A1CF: variants seen among roughly 807,000 people sequenced by gnomAD.
A1CF encodes the protein APOBEC-1 stimulating protein.
A1CF carries 48 observed loss-of-function variants against 68.9 expected under a neutral mutation model. That is an observed-to-expected ratio of 0.70 (90% CI 0.55 to 0.89). A1CF has a LOEUF of 0.89. A1CF is among the 40% of genes least tolerant of loss of function. The pLI is 0.00. For synonymous variants in A1CF, 272 were observed against 260.4 expected (o/e 1.04, Z -0.43); for missense variants, 653 against 718.9 (o/e 0.91, Z 1.05).
intron 6 of A1CF, among the ~76,000 whole-genome samples, chr10:50,834,086 A>G (rs925077943): frequency 2.6e-5 from 4 of 152,092 alleles, no homozygotes; most frequent in African/African-American, 7.2e-5. Context: ...AGTCTGCTTG[A>G]CTTAGAAAAA....
intron 5 of A1CF, 40 bp from the exon 6 acceptor site, chr10:50,836,352 G>C (rs1014398123): frequency 6.3e-7 from 1 of 1,575,922 alleles, no homozygotes; most frequent in Non-Finnish European, 8.6e-7. Flanking sequence ...GAGAATCCTT[G>C]TAGGATTCAG....
chr10:50,865,560 G>C (rs1840950216), intron 1 of A1CF, among the ~76,000 whole-genome samples: 1 of 152,188 alleles, frequency 6.6e-6, no homozygotes, highest in Admixed American at 6.5e-5. Flanking sequence ...CAGGTTCTTA[G>C]CATGACACAT....
chr10:50,875,926 C>T (rs1294818753), intron 1 of A1CF, among the ~76,000 whole-genome samples: 2 of 152,216 alleles, frequency 1.3e-5, no homozygotes, highest in Non-Finnish European at 2.9e-5. Flanking sequence ...CATTCAGTGC[C>T]TGCCATGACC....
At chr10:50,857,000 A>G (rs1054789680) in intron 3 of A1CF, among the ~76,000 whole-genome samples, 36 of 152,140 alleles carry the variant, frequency 2.4e-4, no homozygotes, top group African/African-American at 7.7e-4. Context: ...TTTTAAATGG[A>G]GTAAGATTAT....
At chr10:50,882,558 G>C (rs931347330) in intron 1 of A1CF, among the ~76,000 whole-genome samples, 1 of 152,000 alleles carries the variant, frequency 6.6e-6, no homozygotes, top group South Asian at 2.1e-4. Context: ...TAACTCTCCA[G>C]ATTTTACAGG....
intron 10 of A1CF, among the ~76,000 whole-genome samples, chr10:50,813,539 T>C (rs1838221034): frequency 6.6e-6 from 1 of 152,226 alleles, no homozygotes; most frequent in Admixed American, 6.6e-5. Context: ...TAGGCATTTA[T>C]TCTGAGATGG....
In A1CF at chr10:50,836,945, C is replaced by T. The variant is rs548513947; in HGVS notation, c.366-633G>A. Among the ~76,000 whole-genome samples, 55 of 152,028 alleles carry T rather than the reference C, an allele frequency of 3.6e-4. 2 individuals are homozygous for T. Among genetic ancestry groups the T allele is most frequent in the Non-Finnish European group, 2.2e-4 (15 of 67,998 alleles). On this transcript the variant is annotated intron_variant, in intron 5 of 12. Transcript: ENST00000373997. Reference sequence around the variant, plus strand: ...ATTCAAGAGTTGTCAATCCTCACCGCTCCCTGAAGCATCCCCAACACTGAG... The same window carrying T: ...ATTCAAGAGTTGTCAATCCTCACCGTTCCCTGAAGCATCCCCAACACTGAG...
At chr10:50,844,881 A>C (rs1839929795) in intron 3 of A1CF, among the ~76,000 whole-genome samples, 1 of 152,158 alleles carries the variant, frequency 6.6e-6, no homozygotes, top group Non-Finnish European at 1.5e-5. Context: ...CTGTTGTTTA[A>C]AATTGAAGTA....
At chr10:50,881,654 G>A (rs1475978209) in intron 1 of A1CF, among the ~76,000 whole-genome samples, 1 of 152,152 alleles carries the variant, frequency 6.6e-6, no homozygotes, top group Non-Finnish European at 1.5e-5. Context: ...TTGCTGGAGG[G>A]AGGGAAGGCA....
chr10:50,859,890 T>G lies in A1CF; in HGVS notation c.51A>C (p.Glu17Asp), dbSNP rs754321707. ...GCTGGACCAGTGCGCGGAGGGCTGC[T>G]TCCTTCTGAGTGCCGCTCAATCCAT... ...SGDGLSGTQK[E>D]AALRALVQRT... Residue 17 changes from glutamate to aspartate, a missense_variant, in exon 3 of 13, where the codon GAA (glutamate) becomes GAC (aspartate). Transcript: ENST00000373997. 6.2e-7 allele frequency: 1 copy of G among 1,614,050 alleles called. No individual in the cohort carries two copies. Among genetic ancestry groups the G allele is most frequent in the Non-Finnish European group, 8.5e-7 (1 of 1,179,964 alleles).
chr10:50,844,532 C>T (rs1004051441), intron 3 of A1CF, among the ~76,000 whole-genome samples: 2 of 152,102 alleles, frequency 1.3e-5, no homozygotes, highest in Admixed American at 6.6e-5. Flanking sequence ...TAGCTATTTA[C>T]AACTACATAT....
intron 8 of A1CF, among the ~76,000 whole-genome samples, chr10:50,818,298 T>A (rs1484876754): frequency 6.6e-6 from 1 of 152,118 alleles, no homozygotes; most frequent in African/African-American, 2.4e-5. Context: ...AATTTCAAGA[T>A]CTCACTTCAT....
chr10:50,844,365 A>AT (rs542239188), intron 3 of A1CF, among the ~76,000 whole-genome samples: 16 of 141,356 alleles, frequency 1.1e-4, no homozygotes, highest in South Asian at 4.2e-4. Flanking sequence ...CTAGGCAAAT[A>AT]TTTTTTTTTT....
At chr10:50,834,576 TGAA>T (rs1360852372) in intron 6 of A1CF, among the ~76,000 whole-genome samples, 1 of 152,198 alleles carries the variant, frequency 6.6e-6, no homozygotes, top group African/African-American at 2.4e-5. Context: ...TATTGAATAA[TGAA>T]ATCACATATT....
intron 8 of A1CF, chr10:50,816,629 A>G (rs988211466): frequency 3.8e-5 from 7 of 183,694 alleles, no homozygotes; most frequent in African/African-American, 1.7e-4. Flanking sequence ...ATATAATTAT[A>G]TAACTACAAG....
chr10:50,871,715 TAAA>T (rs1841275835), intron 1 of A1CF, among the ~76,000 whole-genome samples: 1 of 151,986 alleles, frequency 6.6e-6, no homozygotes, highest in Non-Finnish European at 1.5e-5. Context: ...AGGGGGATCA[TAAA>T]CAATTTGAGA....
At chr10:50,855,158 G>A (rs1840420349) in intron 3 of A1CF, among the ~76,000 whole-genome samples, 1 of 151,810 alleles carries the variant, frequency 6.6e-6, no homozygotes, top group Admixed American at 6.6e-5. Flanking sequence ...TCAGGTGAGA[G>A]GAGCATCACA....
rs550058116 is a variant in A1CF at position 50,805,142 on chromosome 10, T to G, written c.*1587A>C. ...ATTGTGATTAAAATTTACCTGATTT[T>G]GATTAGAATCTGGCCTGCTTTTTGA... On this transcript the variant is annotated 3_prime_UTR_variant, in exon 13 of 13. Transcript: ENST00000373997. 1.1e-3 allele frequency: 165 copies of G among 152,348 alleles called. 1 individual carries two copies. Among genetic ancestry groups the G allele is most frequent in the African/African-American group, 3.8e-3 (159 of 41,592 alleles). 9.4% of individuals were successfully genotyped at this position (152,348 alleles called of 1,614,324 possible). A position where few individuals can be genotyped will look rare whatever the true frequency, so the allele number is the denominator to read the frequency against.
intron 1 of A1CF, among the ~76,000 whole-genome samples, chr10:50,871,490 C>A (rs1841265218): frequency 6.6e-6 from 1 of 151,872 alleles, no homozygotes; most frequent in Non-Finnish European, 1.5e-5. Context: ...TGAAATTTGA[C>A]AAATTGATTT....
Sources: gnomAD v4.1 joint callset for allele counts (sites outside exome capture counted in the v4.1 genomes callset) on GRCh38, gnomAD v4.1.1 for gene constraint, MANE v1.5 for transcripts, NCBI Gene and HGNC (gene_info 2026-07-23, HGNC 2026-07-21) for gene names.